Variants in SLC47A2 observed in about 807,000 individuals in gnomAD.
SLC47A2 encodes the protein multidrug and toxin extrusion protein 2.
A neutral mutation model predicts 67.7 loss-of-function variants in SLC47A2; 52 were observed. The observed-to-expected ratio is 0.77, with a 90% confidence interval of 0.61 to 0.97. SLC47A2 has a LOEUF of 0.97. Ranked by LOEUF, SLC47A2 falls within the 50% of genes least tolerant of loss-of-function variation. The pLI is 0.00. For synonymous variants in SLC47A2, 278 were observed against 292.9 expected, an observed-to-expected ratio of 0.95 and a Z score of 0.52; for missense variants, 676 against 712.3, an observed-to-expected ratio of 0.95 and a Z score of 0.58.
intron 13 of SLC47A2, among the ~76,000 whole-genome samples, chr17:19,699,924 C>A (rs1057252783): frequency 2.0e-5 from 3 of 152,148 alleles, no homozygotes; most frequent in African/African-American, 4.8e-5. Context: ...TATTTCCATA[C>A]AATGGAACTA....
intron 10 of SLC47A2, chr17:19,705,107 C>A (rs1490674993): frequency 1.3e-5 from 5 of 390,544 alleles, no homozygotes; most frequent in African/African-American, 2.1e-5. Flanking sequence ...CACACGTGAG[C>A]CACTGCGCCC....
At chr17:19,697,476 A>G (rs2085689684) in intron 13 of SLC47A2, among the ~76,000 whole-genome samples, 1 of 152,198 alleles carries the variant, frequency 6.6e-6, no homozygotes, top group Non-Finnish European at 1.5e-5. Flanking sequence ...TCTATCTCTC[A>G]ACACTGTTAC....
Position 19,703,091 on chromosome 17 carries a change from C to G in SLC47A2, c.1094+1G>C. 1 of 1,613,956 alleles carries G rather than the reference C, an allele frequency of 6.2e-7. No individual in the cohort carries two copies. The highest frequency in any genetic ancestry group is 1.3e-5 in the African/African-American group (1 of 75,052). On this transcript the variant is annotated splice_donor_variant, in intron 12 of 16. Transcript: ENST00000433844. LOFTEE classifies it high-confidence loss of function. ...GTCAGCACAGAAAACTGATTACCTA[C>G]TCATCATTGGTAAAAATATGCCCCA...
chr17:19,715,692 G>GTTTTTTTTTTTTTTTTTTTTTTTTTTTTT (rs1262965934), intron 1 of SLC47A2: 1 of 86,652 alleles, frequency 1.2e-5, no homozygotes, highest in African/African-American at 3.8e-5. Context: ...CTCCTTTTTG[G>GTTTTTTTTTTTTTTTTTTTTTTTTTTTTT]TTTTGTTTTT....
intron 7 of SLC47A2, 55 bp from the exon 8 acceptor site, chr17:19,707,898 C>A: frequency 6.7e-7 from 1 of 1,499,890 alleles, no homozygotes; most frequent in South Asian, 1.2e-5. Flanking sequence ...TGCCACCGCC[C>A]TGCCTGAGAG....
At chr17:19,705,588 A>C in intron 9 of SLC47A2, 85 bp from the exon 10 acceptor site, 4 of 1,290,602 alleles carry the variant, frequency 3.1e-6, no homozygotes, top group East Asian at 2.8e-5. Context: ...TGCTTTGGGG[A>C]CTCAGGGGCT....
Position 19,714,103 on chromosome 17 carries a change from TG to T in SLC47A2, c.295-131del, listed in dbSNP as rs957409313. 7.1e-6 allele frequency: 9 copies of T among 1,274,136 alleles called. No individual in the cohort carries two copies. The African/African-American group carries it at 1.2e-4, about 17-fold the overall frequency. The allele number at this position is 1,274,136 out of a possible 1,614,324, so 78.9% of individuals were successfully genotyped here. A position where few individuals can be genotyped will look rare whatever the true frequency, so the allele number is the denominator to read the frequency against. Reference sequence around the variant, plus strand: ...CCGGCGGCCTCTGGTGACCACAGCCTGGCGCCCGCAGCCTGTAATGGCACAG... The same window carrying T: ...CCGGCGGCCTCTGGTGACCACAGCCTGCGCCCGCAGCCTGTAATGGCACAG... On this transcript the variant is annotated intron_variant, in intron 3 of 16. Transcript: ENST00000433844.
chr17:19,690,758 C>A (rs2085522705), intron 13 of SLC47A2, among the ~76,000 whole-genome samples: 1 of 152,016 alleles, frequency 6.6e-6, no homozygotes, highest in African/African-American at 2.4e-5. Context: ...ATCATCTCAC[C>A]CCAGTTAAAA....
chr17:19,681,161 T>C (rs1223424413), intron 15 of SLC47A2, among the ~76,000 whole-genome samples: 2 of 151,880 alleles, frequency 1.3e-5, no homozygotes, highest in Non-Finnish European at 2.9e-5. Flanking sequence ...TGCAGTGAGC[T>C]GAGATCGCGC....
intron 15 of SLC47A2, 106 bp downstream of exon 15, chr17:19,681,261 G>T: frequency 1.1e-6 from 1 of 878,654 alleles, no homozygotes; most frequent in Non-Finnish European, 1.7e-6. Context: ...ATACCACACT[G>T]CTGCCAAGTT....
intron 13 of SLC47A2, among the ~76,000 whole-genome samples, chr17:19,683,202 T>G (rs1036468451): frequency 1.3e-5 from 2 of 152,192 alleles, no homozygotes; most frequent in Non-Finnish European, 2.9e-5. Context: ...TGACAAATTC[T>G]GGGATGTTTT....
At chr17:19,711,724 T>C (rs2086106909) in intron 5 of SLC47A2, among the ~76,000 whole-genome samples, 1 of 151,630 alleles carries the variant, frequency 6.6e-6, no homozygotes, top group Non-Finnish European at 1.5e-5. Context: ...TAGAAATTGG[T>C]AGTTTGGCAA....
chr17:19,705,056 GC>G, intron 10 of SLC47A2: 1 of 328,802 alleles, frequency 3.0e-6, no homozygotes, highest in Non-Finnish European at 5.5e-6. Context: ...TGAACTCCTG[GC>G]TTTGTGATCC....
intron 13 of SLC47A2, among the ~76,000 whole-genome samples, chr17:19,686,914 A>G (rs1202445846): frequency 6.6e-6 from 1 of 152,208 alleles, no homozygotes; most frequent in Non-Finnish European, 1.5e-5. Flanking sequence ...ACATAGAAAC[A>G]TTGGACTTAA....
At chr17:19,715,822 C>T (rs1479710267) in intron 1 of SLC47A2, 3 of 151,610 alleles carry the variant, frequency 2.0e-5, no homozygotes, top group African/African-American at 7.3e-5. Context: ...TTCTCTGCCT[C>T]TCTCTCCCAA....
intron 13 of SLC47A2, among the ~76,000 whole-genome samples, chr17:19,691,345 C>T (rs1325836442): frequency 6.6e-6 from 1 of 152,140 alleles, no homozygotes; most frequent in Non-Finnish European, 1.5e-5. Context: ...TTGCAAGCAA[C>T]CTAAGTATCC....
chr17:19,697,689 G>GCTAT lies in SLC47A2; in HGVS notation c.1164+4912_1164+4915dup, dbSNP rs144340268. Among the ~76,000 whole-genome samples the GCTAT allele has an allele frequency of 6.4e-3, 973 of 151,804 alleles. 3 individuals are homozygous for GCTAT. The highest frequency in any genetic ancestry group is 0.026 in the East Asian group (133 of 5,152). On this transcript the variant is annotated intron_variant, in intron 13 of 16. Coordinates refer to ENST00000433844, the MANE Select transcript of SLC47A2 (RefSeq NM_001099646.3). ...TGCAGCCTTGAACTTCTGGGCACAA[G>GCTAT]CTATCCTCCCACCTCAGCCTCCCTA...
At position 19,681,682 on chromosome 17, in the gene SLC47A2, G is replaced by A. The variant is rs1361285061; in HGVS notation, c.1165-12C>T. 6.2e-6 allele frequency: 10 copies of A among 1,604,156 alleles called. No homozygotes were observed. Among genetic ancestry groups the A allele is most frequent in the African/African-American group, 5.3e-5 (4 of 74,858 alleles). On this transcript the variant is annotated splice_polypyrimidine_tract_variant and intron_variant, in intron 13 of 16. Transcript: ENST00000433844. The stretch of plus-strand genomic sequence containing the variant: ...CCGCCATAGACACACTAGGAGGGGA[G>A]ACAGAAATGGGCAAGAGTCAGGATG...
intron 7 of SLC47A2, 26 bp downstream of exon 7, chr17:19,708,276 C>G: frequency 6.2e-7 from 1 of 1,610,744 alleles, no homozygotes; most frequent in South Asian, 1.1e-5. Context: ...GTCCCCTGAC[C>G]AGGCCCCACC....
Sources: gnomAD v4.1 joint callset for allele counts (sites outside exome capture counted in the v4.1 genomes callset) on GRCh38, gnomAD v4.1.1 for gene constraint, MANE v1.5 for transcripts, NCBI Gene and HGNC (gene_info 2026-07-23, HGNC 2026-07-21) for gene names.